The following ANOS1 variants were observed in gnomAD, a reference collection of about 807,000 sequenced individuals.
ANOS1 encodes the protein anosmin 1, also known as anosmin-1.
Under a neutral mutation model 59.0 loss-of-function variants are expected in ANOS1, and 6 were observed. That is an observed-to-expected ratio of 0.10 (90% CI 0.06 to 0.20). The LOEUF (loss-of-function observed/expected upper bound fraction) is 0.20. Among genes scored for constraint, ANOS1 ranks in the 10% least tolerant of loss-of-function variants. The probability of loss-of-function intolerance (pLI) is 1.00; values close to 1 mark genes in which losing one functional copy is unlikely to be tolerated. For missense variants in ANOS1, 433 were observed against 542.3 expected (o/e 0.80, Z 2.00); for synonymous variants, 217 against 223.4 (o/e 0.97, Z 0.25).
At chrX:8,639,215 G>C (rs1214708770) in intron 2 of ANOS1, among the ~76,000 whole-genome samples, 1 of 110,808 alleles carries the variant, frequency 9.0e-6, no homozygotes, top group East Asian at 2.8e-4. Context: ...CTTCCACTTG[G>C]GGGGAGCTTA....
At chrX:8,590,049 A>G (rs989795257) in intron 4 of ANOS1, among the ~76,000 whole-genome samples, 1 of 110,737 alleles carries the variant, frequency 9.0e-6, no homozygotes, top group Non-Finnish European at 1.9e-5. Context: ...CTGCATCTCA[A>G]TCTCTTTTTC....
At chrX:8,544,344 G>T (rs1303187097) in intron 9 of ANOS1, among the ~76,000 whole-genome samples, 35 of 86,099 alleles carry the variant, frequency 4.1e-4, no homozygotes, top group African/African-American at 1.5e-3. Context: ...TCAGGGTAGG[G>T]ATTTCTGTCT....
At position 8,677,470 on chromosome X, in the gene ANOS1, A is replaced by G. The variant is rs377155265; in HGVS notation, c.255+22228T>C. On this transcript the variant is annotated intron_variant, in intron 2 of 13. Coordinates refer to ENST00000262648, the MANE Select transcript of ANOS1 (RefSeq NM_000216.4). ...TTGCTTTAAAATTTACTGAGATTCAAAAGATAAATGTTGGACGGATGGATA... is the reference window on the plus strand; with the variant it reads ...TTGCTTTAAAATTTACTGAGATTCAGAAGATAAATGTTGGACGGATGGATA... 2.1e-4 allele frequency among the ~76,000 whole-genome samples: 23 copies of G among 111,927 alleles called. No individual in the cohort carries two copies. The East Asian group carries it at 6.4e-3, about 31-fold the overall frequency.
intron 6 of ANOS1, among the ~76,000 whole-genome samples, chrX:8,575,076 G>A (rs1329895099): frequency 1.8e-5 from 2 of 112,226 alleles, no homozygotes; most frequent in African/African-American, 3.2e-5. Context: ...GCTTCTAAAC[G>A]TTAGCTTTGA....
At chrX:8,723,491 T>C (rs1932889554) in intron 1 of ANOS1, among the ~76,000 whole-genome samples, 1 of 111,912 alleles carries the variant, frequency 8.9e-6, no homozygotes, top group Non-Finnish European at 1.9e-5. Flanking sequence ...ATCAGGGAAA[T>C]GCAAATAAAT....
At position 8,653,689 on chromosome X, in the gene ANOS1, G is replaced by T. The variant is rs73465350; in HGVS notation, c.256-30019C>A. 6.8e-3 allele frequency among the ~76,000 whole-genome samples: 756 copies of T among 111,609 alleles called. 5 individuals carry two copies. Among genetic ancestry groups the T allele is most frequent in the African/African-American group, 0.024 (735 of 30,706 alleles). ...CTTATCTGGCTCAATTTTTCTCCCT[G>T]GTTCTCCTTACTAACCACAGTACTT... On this transcript the variant is annotated intron_variant, in intron 2 of 13. Coordinates refer to ENST00000262648, the MANE Select transcript of ANOS1 (RefSeq NM_000216.4).
At chrX:8,631,540 TAA>T (rs1285307982) in intron 2 of ANOS1, among the ~76,000 whole-genome samples, 3 of 106,732 alleles carry the variant, frequency 2.8e-5, no homozygotes, top group Non-Finnish European at 5.7e-5. Context: ...CATGGTTTAG[TAA>T]AGTTTTTTTT....
intron 2 of ANOS1, among the ~76,000 whole-genome samples, chrX:8,631,983 T>A (rs1931497268): frequency 8.9e-6 from 1 of 112,008 alleles, no homozygotes; most frequent in African/African-American, 3.2e-5. Context: ...TGATAACCTG[T>A]GTGAATAAGC....
chrX:8,542,290 C>A (rs1363179191), intron 9 of ANOS1, among the ~76,000 whole-genome samples: 1 of 111,814 alleles, frequency 8.9e-6, no homozygotes, highest in Non-Finnish European at 1.9e-5. Context: ...ATGTTGATTT[C>A]TGCACCTCAA....
chrX:8,563,706 A>C (rs1346824596), intron 8 of ANOS1, among the ~76,000 whole-genome samples: 1 of 112,444 alleles, frequency 8.9e-6, no homozygotes, highest in Non-Finnish European at 1.9e-5. Context: ...AGTTGCATTC[A>C]GCTGAGTTGC....
intron 6 of ANOS1, among the ~76,000 whole-genome samples, chrX:8,584,912 T>A (rs1394894609): frequency 2.7e-5 from 3 of 112,169 alleles, no homozygotes; most frequent in Admixed American, 9.5e-5. Flanking sequence ...CTATTTTGTC[T>A]AGAATAGCTA....
intron 9 of ANOS1, among the ~76,000 whole-genome samples, chrX:8,553,086 G>T (rs1219180680): frequency 1.8e-5 from 2 of 109,616 alleles, no homozygotes; most frequent in Admixed American, 2.0e-4. Context: ...CCTAACTCTT[G>T]AAACAATCTA....
intron 6 of ANOS1, among the ~76,000 whole-genome samples, chrX:8,574,532 G>C (rs1287281892): frequency 9.0e-6 from 1 of 111,414 alleles, no homozygotes; most frequent in Non-Finnish European, 1.9e-5. Flanking sequence ...ATTCCAATCA[G>C]CTGCCAGTGC....
intron 2 of ANOS1, among the ~76,000 whole-genome samples, chrX:8,670,995 T>A (rs912059025): frequency 1.1e-4 from 12 of 111,297 alleles, no homozygotes; most frequent in Admixed American, 9.6e-4. Flanking sequence ...CACTGCAGCC[T>A]CACCTGAGTG....
At chrX:8,679,436 C>A (rs1246278004) in intron 2 of ANOS1, among the ~76,000 whole-genome samples, 1 of 109,679 alleles carries the variant, frequency 9.1e-6, no homozygotes, top group Non-Finnish European at 1.9e-5. Context: ...TTACAAGAGT[C>A]CCTATAAGTA....
chrX:8,596,449 G>C (rs750080271), intron 4 of ANOS1, among the ~76,000 whole-genome samples: 2 of 112,137 alleles, frequency 1.8e-5, no homozygotes, highest in African/African-American at 3.2e-5. Flanking sequence ...ATATTAAGGA[G>C]CTAAGTGCTC....
chrX:8,667,668 C>G (rs145544127), intron 2 of ANOS1, among the ~76,000 whole-genome samples: 4,226 of 111,386 alleles, frequency 0.038, 87 homozygotes, highest in Middle Eastern at 0.075. Context: ...GTGAGGTCTA[C>G]TGGAGATAAA....
In ANOS1 at chrX:8,653,102, C is replaced by T. The variant is rs745555521; in HGVS notation, c.256-29432G>A. On this transcript the variant is annotated intron_variant, in intron 2 of 13. Transcript: ENST00000262648. ...AACTCCTGGTCTCAAGTGATCCACC[C>T]GCCTCAACCTCCCAAAATGCTGGTA... 4.9e-4 allele frequency among the ~76,000 whole-genome samples: 54 copies of T among 110,649 alleles called. No homozygotes were observed. The Admixed American group carries it at 5.0e-3, about 10-fold the overall frequency.
intron 2 of ANOS1, among the ~76,000 whole-genome samples, chrX:8,676,401 TAATC>T (rs949041637): frequency 3.3e-4 from 37 of 112,254 alleles, no homozygotes; most frequent in Non-Finnish European, 6.9e-4. Flanking sequence ...TTGTATAAGC[TAATC>T]AGAGTAAAAT....
Sources: gnomAD v4.1 joint callset for allele counts (sites outside exome capture counted in the v4.1 genomes callset) on GRCh38, gnomAD v4.1.1 for gene constraint, MANE v1.5 for transcripts, NCBI Gene and HGNC (gene_info 2026-07-23, HGNC 2026-07-21) for gene names.